The following CNTN6 variants were observed in gnomAD, a reference collection of about 807,000 sequenced individuals.
The protein encoded by CNTN6 is contactin-6.
Under a neutral mutation model 122.8 loss-of-function variants are expected in CNTN6, and 137 were observed. The ratio of observed to expected loss-of-function variants is 1.12; its 90% confidence interval spans 0.97 to 1.29. The LOEUF (loss-of-function observed/expected upper bound fraction) is 1.29, where lower values mean the gene tolerates loss of function less well. CNTN6 is among the 50% of genes most tolerant of loss of function. CNTN6 has a pLI of 0.00. For missense variants in CNTN6, 1,634 were observed against 1,223.4 expected (o/e 1.34, Z -5.01); for synonymous variants, 570 against 426.0 (o/e 1.34, Z -4.16).
chr3:1,383,337 G>A lies in CNTN6; in HGVS notation c.2446G>A (p.Ala816Thr), dbSNP rs1308331703. ...GGGAACTTCTCTCCAGAGTTTTTCT[G>A]CTTCTGAAATGGAGGTTTCATGGAA... ...PRGTSLQSFS[A>T]SEMEVSWNAI... Residue 816 changes from alanine to threonine, a missense_variant, in exon 19 of 23, where the codon GCT (alanine) becomes ACT (threonine). Physicochemically the swap from Ala to Thr is moderately conservative, Grantham distance 58. Coordinates refer to ENST00000446702, the MANE Select transcript of CNTN6 (RefSeq NM_001289080.2). 1.9e-6 allele frequency: 3 copies of A among 1,613,892 alleles called. No individual in the cohort carries two copies. Among genetic ancestry groups the A allele is most frequent in the Non-Finnish European group, 1.7e-6 (2 of 1,179,914 alleles).
chr3:1,327,726 T>C lies in CNTN6; in HGVS notation c.1213+140T>C, dbSNP rs1701737239. Reference sequence around the variant, plus strand: ...ATGGGAAATGTCTAAATTAACTTTTTACAAAATTCAAGGTGGTAATTATTA... The same window carrying C: ...ATGGGAAATGTCTAAATTAACTTTTCACAAAATTCAAGGTGGTAATTATTA... On this transcript the variant is annotated intron_variant, in intron 10 of 22. Transcript: ENST00000446702. The C allele has an allele frequency of 4.4e-6, 4 of 913,674 alleles. No homozygotes were observed. In the Admixed American group the frequency reaches 1.2e-4, roughly 27 times the overall value. 56.6% of individuals were successfully genotyped at this position (913,674 alleles called of 1,614,324 possible).
At chr3:1,106,493 G>A (rs1280718986) in intron 1 of CNTN6, among the ~76,000 whole-genome samples, 1 of 151,098 alleles carries the variant, frequency 6.6e-6, no homozygotes, top group Non-Finnish European at 1.5e-5. Context: ...GACGAGCCTA[G>A]GCAACAAAGT....
chr3:1,295,433 A>G (rs1433529283), intron 5 of CNTN6, among the ~76,000 whole-genome samples, 168 bp from the exon 6 acceptor site: 1 of 152,198 alleles, frequency 6.6e-6, no homozygotes, highest in Non-Finnish European at 1.5e-5. Context: ...CTATATTTCA[A>G]TATAAGGGAA....
At position 1,199,421 on chromosome 3, in the gene CNTN6, C is replaced by A. The variant is rs562020184; in HGVS notation, c.56-21266C>A. ...TCTCAAACTCCTAGGCTCAAGCAGT[C>A]CCCCCACCTTGGCCCCCCAAAGTGC... On this transcript the variant is annotated intron_variant, in intron 2 of 22. Coordinates refer to ENST00000446702, the MANE Select transcript of CNTN6 (RefSeq NM_001289080.2). Among the ~76,000 whole-genome samples, 196 of 151,924 alleles carry A rather than the reference C, an allele frequency of 1.3e-3. 2 individuals carry two copies. The South Asian group carries it at 0.015, about 12-fold the overall frequency.
rs1438401552 is a variant in CNTN6 at position 1,383,329 on chromosome 3, G to A, written c.2438G>A (p.Ser813Asn). 6.2e-7 allele frequency: 1 copy of A among 1,614,042 alleles called. No homozygotes were observed. The highest frequency in any genetic ancestry group is 2.2e-5 in the East Asian group (1 of 44,866). ...GCCCCAAGGGGAACTTCTCTCCAGA[G>A]TTTTTCTGCTTCTGAAATGGAGGTT... is the stretch of plus-strand genomic sequence containing the variant. ...QLAPRGTSLQ[S>N]FSASEMEVSW... The change falls in exon 19 of 23, where the codon AGT becomes AAT. Residue 813 changes from serine to asparagine, a missense_variant. Transcript: ENST00000446702.
At chr3:1,120,920 G>C (rs9834552) in intron 1 of CNTN6, among the ~76,000 whole-genome samples, 132,035 of 151,770 alleles carry the variant, frequency 0.87, 57,915 homozygotes, top group East Asian at 0.99. Flanking sequence ...AAGCCTCTTA[G>C]CTTTTATCTA....
At chr3:1,357,420 G>A (rs1186636876) in intron 12 of CNTN6, among the ~76,000 whole-genome samples, 2 of 151,748 alleles carry the variant, frequency 1.3e-5, no homozygotes, top group Non-Finnish European at 2.9e-5. Context: ...ATTACTATTT[G>A]TTAAATACAT....
chr3:1,143,400 T>A (rs1477785455), intron 1 of CNTN6, among the ~76,000 whole-genome samples: 1 of 152,094 alleles, frequency 6.6e-6, no homozygotes, highest in Non-Finnish European at 1.5e-5. Flanking sequence ...TGGTGATACA[T>A]TTTTGAGACT....
intron 4 of CNTN6, among the ~76,000 whole-genome samples, chr3:1,264,264 T>G (rs573699208): frequency 6.6e-6 from 1 of 152,290 alleles, no homozygotes; most frequent in African/African-American, 2.4e-5. Flanking sequence ...GGAAAGGCGC[T>G]GATACAAACA....
At chr3:1,356,246 AT>A (rs1342121133) in intron 12 of CNTN6, among the ~76,000 whole-genome samples, 1 of 151,816 alleles carries the variant, frequency 6.6e-6, no homozygotes, top group Non-Finnish European at 1.5e-5. Flanking sequence ...TGCAGGCAAC[AT>A]TTGTTTTTGT....
chr3:1,111,471 A>G (rs924221678), intron 1 of CNTN6, among the ~76,000 whole-genome samples: 10 of 152,194 alleles, frequency 6.6e-5, no homozygotes, highest in African/African-American at 2.4e-4. Flanking sequence ...TAGAAAAAAC[A>G]GTTGTTAGAT....
At chr3:1,331,534 A>G (rs1702290782) in intron 11 of CNTN6, among the ~76,000 whole-genome samples, 1 of 151,974 alleles carries the variant, frequency 6.6e-6, no homozygotes, top group Non-Finnish European at 1.5e-5. Flanking sequence ...ATTTGCTCCC[A>G]ACAGATTTAG....
intron 20 of CNTN6, among the ~76,000 whole-genome samples, chr3:1,390,989 G>T (rs1435407557): frequency 7.1e-6 from 1 of 139,892 alleles, no homozygotes; most frequent in Admixed American, 7.3e-5. Context: ...GGAGGAACTG[G>T]TACCATTCCT....
intron 7 of CNTN6, among the ~76,000 whole-genome samples, chr3:1,299,472 G>A (rs1309913925): frequency 1.3e-5 from 2 of 152,140 alleles, no homozygotes; most frequent in African/African-American, 2.4e-5. Context: ...AATTGAAAAT[G>A]TTGAGGCTAT....
intron 12 of CNTN6, among the ~76,000 whole-genome samples, chr3:1,352,860 T>C (rs1001005000): frequency 6.6e-6 from 1 of 151,772 alleles, no homozygotes; most frequent in Non-Finnish European, 1.5e-5. Context: ...AACTGGCTAA[T>C]TTGTTTATAT....
chr3:1,392,339 A>T (rs1278451421), intron 20 of CNTN6, among the ~76,000 whole-genome samples: 5 of 152,274 alleles, frequency 3.3e-5, no homozygotes, highest in African/African-American at 9.6e-5. Context: ...GTGCTGGGAA[A>T]ACTGGCTACC....
intron 11 of CNTN6, among the ~76,000 whole-genome samples, chr3:1,333,192 G>A (rs918398262): frequency 6.6e-6 from 1 of 151,890 alleles, no homozygotes; most frequent in Non-Finnish European, 1.5e-5. Flanking sequence ...TGCACATAAA[G>A]GTTGACTGGG....
intron 5 of CNTN6, among the ~76,000 whole-genome samples, chr3:1,286,930 G>C (rs892682423): frequency 6.6e-5 from 10 of 152,174 alleles, no homozygotes; most frequent in Non-Finnish European, 1.3e-4. Flanking sequence ...CCTAGTCACT[G>C]ATAAAACAGA....
intron 8 of CNTN6, among the ~76,000 whole-genome samples, chr3:1,323,575 C>A (rs1350566149): frequency 6.6e-6 from 1 of 151,746 alleles, no homozygotes; most frequent in Non-Finnish European, 1.5e-5. Context: ...AGAAAAGAAT[C>A]TCTCAGTCTG....
Sources: gnomAD v4.1 joint callset for allele counts (sites outside exome capture counted in the v4.1 genomes callset) on GRCh38, gnomAD v4.1.1 for gene constraint, MANE v1.5 for transcripts, NCBI Gene and HGNC (gene_info 2026-07-23, HGNC 2026-07-21) for gene names.